Variants in CDC20B observed in about 807,000 individuals in gnomAD.
CDC20B encodes the protein cell division cycle 20B, also known as cell division cycle protein 20 homolog B.
A neutral mutation model predicts 64.1 loss-of-function variants in CDC20B; 58 were observed. The observed-to-expected ratio is 0.90, with a 90% CI of 0.73 to 1.13. The LOEUF (loss-of-function observed/expected upper bound fraction) is 1.13, where lower values mean the gene tolerates loss of function less well. Ranked by LOEUF, CDC20B falls within the 50% of genes most tolerant of loss-of-function variation. CDC20B has a pLI of 0.00. For synonymous variants in CDC20B, 243 were observed against 230.6 expected, an observed-to-expected ratio of 1.05 and a Z score of -0.49; for missense variants, 597 against 633.0, an observed-to-expected ratio of 0.94 and a Z score of 0.61.
chr5:55,114,610 T>C lies in CDC20B; in HGVS notation c.1460-292A>G, dbSNP rs1415197904. On this transcript the variant is annotated intron_variant, in intron 11 of 11. Coordinates refer to ENST00000381375, the MANE Select transcript of CDC20B (RefSeq NM_001170402.1). This position sits in a 1 kb window ranked among gnomAD's most constrained non-coding sequence, Gnocchi z 4.1. The stretch of plus-strand genomic sequence containing the variant: ...AAACAACAGAAATTGATTCTCACAG[T>C]TCTGGAGATGGGAAGTCTGAAATCA... Among the ~76,000 whole-genome samples the C allele has an allele frequency of 6.6e-6, 1 of 152,200 alleles. No homozygotes were observed. Among genetic ancestry groups the C allele is most frequent in the East Asian group, 1.9e-4 (1 of 5,188 alleles).
intron 9 of CDC20B, 93 bp from the exon 10 acceptor site, chr5:55,120,643 G>A (rs1296984783): frequency 1.5e-5 from 22 of 1,434,342 alleles, no homozygotes; most frequent in Admixed American, 1.2e-4. Flanking sequence ...AAGTCCCCAC[G>A]TCTGCACCTG....
chr5:55,155,307 A>G (rs1743778657), intron 2 of CDC20B, among the ~76,000 whole-genome samples: 3 of 152,238 alleles, frequency 2.0e-5, no homozygotes, highest in African/African-American at 7.2e-5. Flanking sequence ...ATAGAAACAA[A>G]TATGTCTACT....
At chr5:55,134,298 T>C (rs1416514579) in intron 5 of CDC20B, among the ~76,000 whole-genome samples, 3 of 152,074 alleles carry the variant, frequency 2.0e-5, no homozygotes, top group Non-Finnish European at 2.9e-5. Context: ...GCATGAGAGC[T>C]TCACAATGCT....
chr5:55,172,591 G>A lies in CDC20B; in HGVS notation c.123C>T (p.Ala41=), dbSNP rs773206412. The change falls in exon 2 of 12, where the codon GCC becomes GCT. Residue 41 remains alanine (A), a synonymous_variant. Coordinates refer to ENST00000381375, the MANE Select transcript of CDC20B (RefSeq NM_001170402.1). ...CAAGAACAAGCCCTGGACTCACGTT[G>A]GCGGAATCTTGACTTCTCTTCTGCT... The part of the protein sequence containing the change: ...DLKQKRSQDS[A]NVLDSVNATY... 1.9e-6 allele frequency: 3 copies of A among 1,611,264 alleles called. No individual in the cohort carries two copies. The highest frequency in any genetic ancestry group is 4.5e-5 in the East Asian group (2 of 44,874).
intron 10 of CDC20B, 140 bp from the exon 11 acceptor site, chr5:55,120,058 C>T (rs1742720140): frequency 3.0e-6 from 2 of 663,354 alleles, no homozygotes; most frequent in East Asian, 2.7e-5. Context: ...AAATTACAAC[C>T]ATTCTAGGAA....
chr5:55,148,269 C>T (rs1242589578), intron 2 of CDC20B, among the ~76,000 whole-genome samples: 3 of 152,138 alleles, frequency 2.0e-5, no homozygotes, highest in Admixed American at 2.0e-4. Context: ...GTGACAATCC[C>T]TGGTGTTGAA....
rs1185860114 is a variant in CDC20B at position 55,146,958 on chromosome 5, A to G, written c.127-102T>C. On this transcript the variant is annotated intron_variant, in intron 2 of 11. Coordinates refer to ENST00000381375, the MANE Select transcript of CDC20B (RefSeq NM_001170402.1). ...CAAATGACTCATCTAGTACAACACCAATAAAATATATATAATGAGATTTTT... is the reference window on the plus strand; with the variant it reads ...CAAATGACTCATCTAGTACAACACCGATAAAATATATATAATGAGATTTTT... 1.3e-5 allele frequency: 7 copies of G among 550,544 alleles called. No individual in the cohort carries two copies. In the East Asian group the frequency reaches 1.3e-4, roughly 10 times the overall value. 34.1% of individuals were successfully genotyped at this position (550,544 alleles called of 1,614,324 possible).
Position 55,114,241 on chromosome 5 carries a change from C to A in CDC20B, c.1537G>T (p.Ala513Ser). Residue 513 changes from alanine to serine, a missense_variant, in exon 12 of 12, where the codon GCC becomes TCC. Ala to Ser is a moderately conservative substitution (Grantham distance 99). Transcript: ENST00000381375. The surrounding 1 kb of genome is among the most constrained non-coding windows in gnomAD (Gnocchi z 4.1). ...TGCTAGTAGCAATTCCATACAGAGG[C>A]CGTCCCATCAGCTGCAGCAGAAAAC... is the stretch of plus-strand genomic sequence containing the variant. Reference protein sequence around the residue: ...RVFSAAADGTASVWNCY With the variant: ...RVFSAAADGTSSVWNCY 1 of 1,613,750 alleles carries A rather than the reference C, an allele frequency of 6.2e-7. No individual in the cohort carries two copies. The highest frequency in any genetic ancestry group is 8.5e-7 in the Non-Finnish European group (1 of 1,179,784).
rs423074 is a variant in CDC20B at position 55,172,952 on chromosome 5, C to T, written c.49G>A (p.Glu17Lys). 1 of 1,611,076 alleles carries T rather than the reference C, an allele frequency of 6.2e-7. No homozygotes were observed. Among genetic ancestry groups the T allele is most frequent in the Non-Finnish European group, 8.5e-7 (1 of 1,178,850 alleles). Residue 17 changes from glutamate to lysine, a missense_variant, in exon 1 of 12, where the codon GAG (glutamate) becomes AAG (lysine). Glu to Lys is a moderately conservative substitution (Grantham distance 56, BLOSUM62 1). This residue lies in a region of CDC20B where 241 missense variants were observed against 219.2 expected (regional missense o/e 1.10). Transcript: ENST00000381375. ...GTGTTACTCACCCACAGCATCTCCT[C>T]TTCCGTGCGGACCCTCCGAGGCGCG... Reference protein sequence around the residue: ...RTAPRRVRTEEEMLWESIMRV... With the variant: ...RTAPRRVRTEKEMLWESIMRV...
intron 3 of CDC20B, among the ~76,000 whole-genome samples, chr5:55,143,994 G>GAAAAAAAAAA (rs3068520): frequency 7.3e-6 from 1 of 136,970 alleles, no homozygotes; most frequent in Non-Finnish European, 1.6e-5. Flanking sequence ...TCTCTGTATG[G>GAAAAAAAAAA]AAAAAAAAAA....
Position 55,133,442 on chromosome 5 carries a change from T to C in CDC20B, c.667A>G (p.Ile223Val). ...NDSILQPEVK[I>V]HITGLRNDYY... ...TCATTTCGAAGACCAGTAATATGAATCTTCACCTCTGGTTGGAGTATGGAA... is the reference window on the plus strand; with the variant it reads ...TCATTTCGAAGACCAGTAATATGAACCTTCACCTCTGGTTGGAGTATGGAA... The change falls in exon 6 of 12, where the codon ATT becomes GTT. Residue 223 changes from isoleucine (I) to valine (V), a missense_variant. Coordinates refer to ENST00000381375, the MANE Select transcript of CDC20B (RefSeq NM_001170402.1). 6.4e-7 allele frequency: 1 copy of C among 1,571,226 alleles called. No homozygotes were observed. Among genetic ancestry groups the C allele is most frequent in the Non-Finnish European group, 8.7e-7 (1 of 1,150,294 alleles).
intron 11 of CDC20B, among the ~76,000 whole-genome samples, chr5:55,115,695 T>C (rs1002604801): frequency 2.6e-5 from 4 of 152,228 alleles, no homozygotes; most frequent in Non-Finnish European, 5.9e-5. Context: ...GGACCAGTAC[T>C]GCCTACGACT....
At chr5:55,120,689 A>G (rs1742736353) in intron 9 of CDC20B, 139 bp from the exon 10 acceptor site, 1 of 935,012 alleles carries the variant, frequency 1.1e-6, no homozygotes, top group Admixed American at 2.5e-5. Context: ...TAAAGGCAGG[A>G]GCAACTGCAC....
At chr5:55,145,141 C>T (rs919901016) in intron 3 of CDC20B, among the ~76,000 whole-genome samples, 1 of 152,170 alleles carries the variant, frequency 6.6e-6, no homozygotes, top group Non-Finnish European at 1.5e-5. Context: ...CAAAAACAAT[C>T]AGCATCAAAA....
intron 2 of CDC20B, among the ~76,000 whole-genome samples, chr5:55,171,040 G>A (rs929280582): frequency 6.6e-6 from 1 of 152,188 alleles, no homozygotes; most frequent in African/African-American, 2.4e-5. Flanking sequence ...TAGGCTGGGC[G>A]CAGTGGCTTA....
chr5:55,131,577 C>T (rs187679130), intron 6 of CDC20B, among the ~76,000 whole-genome samples: 14 of 152,072 alleles, frequency 9.2e-5, no homozygotes, highest in Middle Eastern at 6.8e-3. Flanking sequence ...TGTTAGGGTT[C>T]GGTATGAAGT....
chr5:55,121,243 C>G (rs902350529), intron 9 of CDC20B, among the ~76,000 whole-genome samples: 1 of 152,100 alleles, frequency 6.6e-6, no homozygotes, highest in Admixed American at 6.5e-5. Flanking sequence ...TTTGCATCCT[C>G]TCTTCTACAC....
At chr5:55,164,401 A>T (rs1744269576) in intron 2 of CDC20B, 1 of 376,184 alleles carries the variant, frequency 2.7e-6, no homozygotes, top group Non-Finnish European at 4.7e-6. Flanking sequence ...GCAATGAAGG[A>T]TTTTTTTTTA....
At chr5:55,148,951 C>T (rs1204148779) in intron 2 of CDC20B, among the ~76,000 whole-genome samples, 1 of 152,224 alleles carries the variant, frequency 6.6e-6, no homozygotes, top group Non-Finnish European at 1.5e-5. Flanking sequence ...CTGAGGCTCA[C>T]CTGTCTGACC....
Sources: allele counts gnomAD v4.1 joint callset (sites outside exome capture counted in the v4.1 genomes callset), GRCh38; gene constraint gnomAD v4.1.1; regional missense constraint gnomAD v4.1.1; non-coding constraint Gnocchi (gnomAD v3.1); transcripts MANE v1.5; gene names NCBI Gene and HGNC (gene_info 2026-07-23, HGNC 2026-07-21).